The following SIGLEC5 variants were observed in gnomAD, a reference collection of about 807,000 sequenced individuals.
SIGLEC5 encodes the protein sialic acid binding Ig like lectin 5.
In SIGLEC5, 34 loss-of-function variants were observed where a neutral mutation model predicts 45.9. The observed-to-expected ratio is 0.74, with a 90% CI of 0.56 to 0.99. SIGLEC5 has a LOEUF of 0.99. Ranked by LOEUF, SIGLEC5 falls within the 50% of genes least tolerant of loss-of-function variation. SIGLEC5 has a pLI of 0.00. For missense variants in SIGLEC5, 508 were observed against 629.6 expected (o/e 0.81, Z 2.07); for synonymous variants, 203 against 258.6 (o/e 0.79, Z 2.06).
chr19:51,612,878 T>G (rs1982911613), intron 8 of SIGLEC5, among the ~76,000 whole-genome samples: 1 of 93,712 alleles, frequency 1.1e-5, no homozygotes, highest in African/African-American at 2.7e-5. Context: ...TGGGTTCTTC[T>G]CTCTCTCTCT....
intron 8 of SIGLEC5, among the ~76,000 whole-genome samples, chr19:51,620,910 C>T (rs1027847195): frequency 5.9e-5 from 9 of 152,122 alleles, no homozygotes; most frequent in Admixed American, 3.3e-4. Context: ...GCCTTGAACT[C>T]CTGGCCTCAA....
intron 8 of SIGLEC5, among the ~76,000 whole-genome samples, chr19:51,612,964 G>T (rs1420169196): frequency 6.6e-6 from 1 of 151,980 alleles, no homozygotes; most frequent in African/African-American, 2.4e-5. Context: ...GCCCTTCCAG[G>T]CTTGCTGTGC....
At position 51,612,129 on chromosome 19, in the gene SIGLEC5, T is replaced by C; in HGVS notation, c.*102A>G. On this transcript the variant is annotated 3_prime_UTR_variant, in exon 9 of 9. Transcript: ENST00000683636. Reference sequence around the variant, plus strand: ...CTTAAACATCAGTTAATGTTAACATTGCCACAAGGGCTCTTCGTGCTTCAG... The same window carrying C: ...CTTAAACATCAGTTAATGTTAACATCGCCACAAGGGCTCTTCGTGCTTCAG... 1.3e-6 allele frequency: 1 copy of C among 796,596 alleles called. No homozygotes were observed. The highest frequency in any genetic ancestry group is 1.9e-6 in the Non-Finnish European group (1 of 513,424). 49.3% of individuals were successfully genotyped at this position (796,596 alleles called of 1,614,324 possible).
intron 7 of SIGLEC5, 64 bp from the exon 8 acceptor site, chr19:51,626,177 A>G: frequency 4.6e-6 from 6 of 1,307,480 alleles, no homozygotes; most frequent in Non-Finnish European, 5.5e-6. Flanking sequence ...GGGTTGTCCC[A>G]TCCCATGCTA....
chr19:51,616,881 A>G, intron 8 of SIGLEC5, among the ~76,000 whole-genome samples: 1 of 120,452 alleles, frequency 8.3e-6, no homozygotes, highest in South Asian at 2.9e-4. Flanking sequence ...ACTGCACTCC[A>G]GCCTGGGCAA....
chr19:51,629,339 T>C lies in SIGLEC5; in HGVS notation c.700+19A>G. ...CCCACTGCCCTTGAGGACTCAGCTGTGTCCCCAGCACCACTCACAGGAGAC... is the reference window on the plus strand; with the variant it reads ...CCCACTGCCCTTGAGGACTCAGCTGCGTCCCCAGCACCACTCACAGGAGAC... On this transcript the variant is annotated intron_variant, in intron 3 of 8. Transcript: ENST00000683636. 1 of 1,613,338 alleles carries C rather than the reference T, an allele frequency of 6.2e-7. No individual in the cohort carries two copies. The highest frequency in any genetic ancestry group is 8.5e-7 in the Non-Finnish European group (1 of 1,179,894).
At chr19:51,629,710 G>A in intron 2 of SIGLEC5, 74 bp from the exon 3 acceptor site, 1 of 873,816 alleles carries the variant, frequency 1.1e-6, no homozygotes, top group Non-Finnish European at 1.7e-6. Flanking sequence ...GAGTGGCCAG[G>A]CCTCAGGCCC....
In SIGLEC5 at chr19:51,627,166, G is replaced by A. The variant is rs781099888; in HGVS notation, c.1365C>T (p.Cys455=). The change falls in exon 7 of 9, where the codon TGC becomes TGT. Residue 455 remains cysteine (C), a synonymous_variant. Transcript: ENST00000683636. ...GVMALLCICL[C]LIFFLIVKAR... ...AGACTTACATTAAAAAGAAGATGAG[G>A]CACAGACAGATACAGAGCAGGGCCA... 4 of 1,613,486 alleles carry A rather than the reference G, an allele frequency of 2.5e-6. No homozygotes were observed. The highest frequency in any genetic ancestry group is 3.3e-5 in the Admixed American group (2 of 59,988).
At chr19:51,625,358 A>AAAC (rs1383435220) in intron 8 of SIGLEC5, among the ~76,000 whole-genome samples, 1 of 152,214 alleles carries the variant, frequency 6.6e-6, no homozygotes, top group Non-Finnish European at 1.5e-5. Context: ...CAACAGGAAC[A>AAAC]AACAACAACA....
chr19:51,616,267 C>T (rs1983050365), intron 8 of SIGLEC5, among the ~76,000 whole-genome samples: 1 of 152,196 alleles, frequency 6.6e-6, no homozygotes, highest in Admixed American at 6.5e-5. Context: ...TACTAGGACG[C>T]TTTGGTCAAG....
At chr19:51,619,833 T>C (rs1983215820) in intron 8 of SIGLEC5, among the ~76,000 whole-genome samples, 1 of 151,030 alleles carries the variant, frequency 6.6e-6, no homozygotes, top group South Asian at 2.1e-4. Flanking sequence ...AGAGTAAAAA[T>C]CAATAAAACA....
rs1268129107 is a variant in SIGLEC5, at chr19:51,611,724, G to C, written c.*507C>G. Among the ~76,000 whole-genome samples the C allele has an allele frequency of 6.6e-6, 1 of 152,210 alleles. No homozygotes were observed. Among genetic ancestry groups the C allele is most frequent in the Non-Finnish European group, 1.5e-5 (1 of 68,030 alleles). On this transcript the variant is annotated 3_prime_UTR_variant, in exon 9 of 9. Coordinates refer to ENST00000683636, the MANE Select transcript of SIGLEC5 (RefSeq NM_003830.4). Reference sequence around the variant, plus strand: ...GCAAGGATATAAGATCCCACATCATGAACCAAGTGCCAGGCTGAGGGGCTG... The same window carrying C: ...GCAAGGATATAAGATCCCACATCATCAACCAAGTGCCAGGCTGAGGGGCTG...
At chr19:51,623,227 T>C (rs551228503) in intron 8 of SIGLEC5, among the ~76,000 whole-genome samples, 5 of 152,350 alleles carry the variant, frequency 3.3e-5, no homozygotes, top group South Asian at 2.1e-4. Flanking sequence ...TATATTTGAA[T>C]ATCTTTCTAA....
chr19:51,625,811 C>G (rs973767006), intron 8 of SIGLEC5, among the ~76,000 whole-genome samples: 1 of 152,072 alleles, frequency 6.6e-6, no homozygotes, highest in Admixed American at 6.6e-5. Context: ...GCCTGGGTAA[C>G]AAGAGTGAAA....
intron 8 of SIGLEC5, among the ~76,000 whole-genome samples, chr19:51,624,647 G>A (rs1983410772): frequency 6.6e-6 from 1 of 152,004 alleles, no homozygotes; most frequent in African/African-American, 2.4e-5. Context: ...AGGGGCTAAA[G>A]AAGCCCCAGC....
In SIGLEC5 at chr19:51,629,440, G is replaced by A. The variant is rs539755873; in HGVS notation, c.618C>T (p.Asp206=). The A allele has an allele frequency of 2.5e-6, 4 of 1,613,606 alleles. No individual in the cohort carries two copies. Among genetic ancestry groups the A allele is most frequent in the Non-Finnish European group, 3.4e-6 (4 of 1,179,906 alleles). ...TCTGACAGGTGAGGTTGGTGCCATGGTCCTCGGGCCTGGGGGTGAGGGTGA... is the reference window on the plus strand; with the variant it reads ...TCTGACAGGTGAGGTTGGTGCCATGATCCTCGGGCCTGGGGGTGAGGGTGA... ...SELTLTPRPE[D]HGTNLTCQMK... The change falls in exon 3 of 9, where the codon GAC becomes GAT. Residue 206 remains aspartate, a synonymous_variant. Transcript: ENST00000683636.
In SIGLEC5 at chr19:51,611,511, G is replaced by A. The variant is rs764222840; in HGVS notation, c.*720C>T. On this transcript the variant is annotated 3_prime_UTR_variant, in exon 9 of 9. Transcript: ENST00000683636. ...GCAGGGAGATCATGAAGGACTTTAT[G>A]TGTCAGGGGAGATGCTTGTGATATA... is the stretch of plus-strand genomic sequence containing the variant. Among the ~76,000 whole-genome samples the A allele has an allele frequency of 1.1e-4, 16 of 152,262 alleles. No individual in the cohort carries two copies. Among genetic ancestry groups the A allele is most frequent in the African/African-American group, 3.9e-4 (16 of 41,474 alleles).
At chr19:51,622,711 A>G (rs1350504076) in intron 8 of SIGLEC5, among the ~76,000 whole-genome samples, 1 of 152,206 alleles carries the variant, frequency 6.6e-6, no homozygotes, top group African/African-American at 2.4e-5. Flanking sequence ...TCAGAAATGA[A>G]GGAGAAACAT....
chr19:51,611,489 G>A lies in SIGLEC5; in HGVS notation c.*742C>T, dbSNP rs543671416. Among the ~76,000 whole-genome samples the A allele has an allele frequency of 6.6e-6, 1 of 152,326 alleles. No individual in the cohort carries two copies. The highest frequency in any genetic ancestry group is 1.9e-4 in the East Asian group (1 of 5,186). On this transcript the variant is annotated 3_prime_UTR_variant, in exon 9 of 9. Transcript: ENST00000683636. ...GGAAAGTATAAATGAATAGATAGCA[G>A]GGAGATCATGAAGGACTTTATGTGT...
Sources: gnomAD v4.1 joint callset for allele counts (sites outside exome capture counted in the v4.1 genomes callset) on GRCh38, gnomAD v4.1.1 for gene constraint, MANE v1.5 for transcripts, NCBI Gene and HGNC (gene_info 2026-07-23, HGNC 2026-07-21) for gene names.